GALNT13: variants seen among roughly 807,000 people sequenced by gnomAD.
GALNT13 encodes UDP-GalNAc:polypeptide N-acetylgalactosaminyltransferase 13.
GALNT13 carries 28 observed loss-of-function variants against 64.2 expected under a neutral mutation model. The ratio of observed to expected loss-of-function variants is 0.44; its 90% confidence interval spans 0.32 to 0.60. GALNT13 has a LOEUF of 0.60. Among genes scored for constraint, GALNT13 ranks in the 20% least tolerant of loss-of-function variants. The pLI, the probability that GALNT13 is intolerant of heterozygous loss-of-function variation, is 0.05. For missense variants in GALNT13, 577 were observed against 669.8 expected, an observed-to-expected ratio of 0.86 and a Z score of 1.53; for synonymous variants, 214 against 224.6, an observed-to-expected ratio of 0.95 and a Z score of 0.42.
At chr2:153,788,433 C>A in the GALNT13 span, among the ~76,000 whole-genome samples, 1 of 151,586 alleles carries the variant, frequency 6.6e-6, no homozygotes, top group Non-Finnish European at 1.5e-5. Flanking sequence ...ACATGCCTTA[C>A]AAGAGCTCCT....
At chr2:153,366,165 T>C in the GALNT13 span, among the ~76,000 whole-genome samples, 4 of 152,134 alleles carry the variant, frequency 2.6e-5, no homozygotes, top group African/African-American at 4.8e-5. Flanking sequence ...CACTGCATGT[T>C]CTCACTTGTA....
At chr2:154,267,202 G>T (rs556817778) in intron 8 of GALNT13, among the ~76,000 whole-genome samples, 2 of 152,152 alleles carry the variant, frequency 1.3e-5, no homozygotes, top group Admixed American at 1.3e-4. Flanking sequence ...AATTCAAAAT[G>T]TAAAAATATA....
chr2:153,478,135 T>C, the GALNT13 span: 386 of 881,212 alleles, frequency 4.4e-4, 3 homozygotes, highest in African/African-American at 5.7e-3. Context: ...AATAATTGAC[T>C]CCGACAGGTT....
At chr2:153,173,519 G>A in the GALNT13 span, among the ~76,000 whole-genome samples, 1 of 152,018 alleles carries the variant, frequency 6.6e-6, no homozygotes, top group African/African-American at 2.4e-5. Flanking sequence ...TTTCCTCTGT[G>A]TGTATCTGTC....
the GALNT13 span, among the ~76,000 whole-genome samples, chr2:153,193,583 A>T: frequency 3.3e-5 from 5 of 152,092 alleles, no homozygotes; most frequent in African/African-American, 7.2e-5. Flanking sequence ...GTACCCTAAA[A>T]CTTAAAGTAT....
chr2:153,706,685 T>C, the GALNT13 span, among the ~76,000 whole-genome samples: 2 of 152,184 alleles, frequency 1.3e-5, no homozygotes, highest in Admixed American at 1.3e-4. Flanking sequence ...CCCCTTTCTT[T>C]GTTGTCTTCC....
At chr2:154,075,147 A>T (rs926518192) in intron 3 of GALNT13, among the ~76,000 whole-genome samples, 1 of 151,844 alleles carries the variant, frequency 6.6e-6, no homozygotes, top group Non-Finnish European at 1.5e-5. Context: ...TGAGAGGATC[A>T]AAAAACTACC....
the GALNT13 span, among the ~76,000 whole-genome samples, chr2:153,315,725 A>C: frequency 1.3e-5 from 2 of 152,212 alleles, no homozygotes; most frequent in African/African-American, 4.8e-5. Context: ...ACCTCAACAC[A>C]GCAGAATATA....
the GALNT13 span, among the ~76,000 whole-genome samples, chr2:153,084,433 T>C: frequency 6.6e-6 from 1 of 152,310 alleles, no homozygotes; most frequent in Non-Finnish European, 1.5e-5. Flanking sequence ...TTTATAGTTT[T>C]CCTTGTAGAA....
chr2:153,963,164 T>C (rs1693057582), intron 3 of GALNT13, among the ~76,000 whole-genome samples: 1 of 152,198 alleles, frequency 6.6e-6, no homozygotes, highest in African/African-American at 2.4e-5. Context: ...TGTCTTTATG[T>C]GCCACTATAA....
chr2:153,259,715 T>C, the GALNT13 span, among the ~76,000 whole-genome samples: 1 of 152,216 alleles, frequency 6.6e-6, no homozygotes, highest in Non-Finnish European at 1.5e-5. Flanking sequence ...GCCATGATAG[T>C]GAGGCCTCCC....
the GALNT13 span, among the ~76,000 whole-genome samples, chr2:153,325,504 T>C: frequency 6.6e-6 from 1 of 152,238 alleles, no homozygotes; most frequent in African/African-American, 2.4e-5. Context: ...CCTTCAGTTC[T>C]GCTCTGATCT....
the GALNT13 span, among the ~76,000 whole-genome samples, chr2:153,357,721 A>G: frequency 1.3e-5 from 2 of 152,138 alleles, no homozygotes; most frequent in African/African-American, 4.8e-5. Context: ...CAGGTTTATT[A>G]CCCTGACCCT....
chr2:153,781,856 G>A, the GALNT13 span, among the ~76,000 whole-genome samples: 5 of 152,136 alleles, frequency 3.3e-5, no homozygotes, highest in South Asian at 2.1e-4. Context: ...AATAGAATAT[G>A]GAAAATGTCA....
At chr2:153,632,004 A>T in the GALNT13 span, among the ~76,000 whole-genome samples, 1 of 152,084 alleles carries the variant, frequency 6.6e-6, no homozygotes, top group African/African-American at 2.4e-5. Context: ...AAATTCAGGT[A>T]TTCATTGTTG....
intron 3 of GALNT13, 70 bp downstream of exon 3, chr2:153,944,709 C>A: frequency 1.5e-6 from 2 of 1,341,488 alleles, no homozygotes; most frequent in South Asian, 1.4e-5. Context: ...AAATGAGAAA[C>A]TTCAGAATCA....
chr2:153,146,339 C>G, the GALNT13 span, among the ~76,000 whole-genome samples: 1 of 151,750 alleles, frequency 6.6e-6, no homozygotes. Context: ...GTTTATTTGC[C>G]AAGTTCCTTA....
chr2:154,178,573 T>A (rs1573817569), intron 4 of GALNT13, among the ~76,000 whole-genome samples: 1 of 142,840 alleles, frequency 7.0e-6, no homozygotes, highest in South Asian at 2.2e-4. Context: ...TAATTAAAAA[T>A]AATAATAATA....
the GALNT13 span, among the ~76,000 whole-genome samples, chr2:153,388,154 C>G: frequency 2.6e-5 from 4 of 151,950 alleles, no homozygotes; most frequent in Admixed American, 2.6e-4. Flanking sequence ...GTCAACCTTT[C>G]CCTGTTGTCA....
Sources: gnomAD v4.1 joint callset for allele counts (sites outside exome capture counted in the v4.1 genomes callset) on GRCh38, gnomAD v4.1.1 for gene constraint, MANE v1.5 for transcripts, NCBI Gene and HGNC (gene_info 2026-07-23, HGNC 2026-07-21) for gene names.